SLC10A7: variants seen among roughly 807,000 people sequenced by gnomAD.
SLC10A7 encodes the protein sodium/bile acid cotransporter 7.
Under a neutral mutation model 43.2 loss-of-function variants are expected in SLC10A7, and 29 were observed. That is an observed-to-expected ratio of 0.67 (90% CI 0.50 to 0.92). SLC10A7 has a LOEUF of 0.92. Among genes scored for constraint, SLC10A7 ranks in the 40% least tolerant of loss-of-function variants. The pLI is 0.00. For missense variants in SLC10A7, 295 were observed against 403.2 expected (o/e 0.73, Z 2.30); for synonymous variants, 152 against 144.8 (o/e 1.05, Z -0.35).
At chr4:146,467,556 T>C (rs1338822361) in intron 4 of SLC10A7, among the ~76,000 whole-genome samples, 3 of 110,740 alleles carry the variant, frequency 2.7e-5, no homozygotes, top group African/African-American at 3.6e-5. Context: ...TCTTTTTTCT[T>C]TCTCTCTTTT....
intron 10 of SLC10A7, among the ~76,000 whole-genome samples, chr4:146,271,912 C>T (rs1227947179): frequency 6.6e-6 from 1 of 152,100 alleles, no homozygotes; most frequent in Non-Finnish European, 1.5e-5. Context: ...CCCAATGTGC[C>T]CTTTAAGGCT....
chr4:146,287,833 C>T (rs1730134239), intron 9 of SLC10A7, among the ~76,000 whole-genome samples: 1 of 152,190 alleles, frequency 6.6e-6, no homozygotes, highest in Admixed American at 6.5e-5. Flanking sequence ...TTCCTAGAGT[C>T]TTGCACTACA....
At chr4:146,266,114 A>T (rs781004487) in intron 10 of SLC10A7, among the ~76,000 whole-genome samples, 13 of 152,174 alleles carry the variant, frequency 8.5e-5, no homozygotes, top group Non-Finnish European at 1.3e-4. Context: ...GCAAATCTGG[A>T]ATCCAGTTGC....
At chr4:146,499,778 G>A (rs1736229414) in intron 4 of SLC10A7, among the ~76,000 whole-genome samples, 1 of 152,046 alleles carries the variant, frequency 6.6e-6, no homozygotes, top group Non-Finnish European at 1.5e-5. Flanking sequence ...AACACTTTTA[G>A]AAAACAAAGG....
At chr4:146,495,930 A>G (rs1035204765) in intron 4 of SLC10A7, among the ~76,000 whole-genome samples, 1 of 152,164 alleles carries the variant, frequency 6.6e-6, no homozygotes, top group Non-Finnish European at 1.5e-5. Flanking sequence ...TGCTAAGTAA[A>G]ATAAAATAAA....
At chr4:146,310,596 A>G (rs1451595424) in intron 6 of SLC10A7, among the ~76,000 whole-genome samples, 2 of 151,636 alleles carry the variant, frequency 1.3e-5, no homozygotes, top group Admixed American at 1.3e-4. Context: ...TTTTTTTCCT[A>G]TATTTGTTGG....
intron 4 of SLC10A7, among the ~76,000 whole-genome samples, chr4:146,493,934 G>A (rs1211977164): frequency 6.6e-6 from 1 of 152,168 alleles, no homozygotes; most frequent in Non-Finnish European, 1.5e-5. Context: ...TATACAGCAA[G>A]CTATTGCAAG....
rs542985383 is a variant in SLC10A7, at chr4:146,465,949, T to C, written c.397-23128A>G. ...CAAATTGTGAACATAGTTTGAGATT[T>C]TTCTAAGATGTTCTTTAACCTGCTT... On this transcript the variant is annotated intron_variant, in intron 4 of 11. Coordinates refer to ENST00000335472, the MANE Select transcript of SLC10A7 (RefSeq NM_001029998.6). Among the ~76,000 whole-genome samples the C allele has an allele frequency of 1.6e-4, 24 of 152,326 alleles. No homozygotes were observed. In the South Asian group the frequency reaches 5.0e-3, roughly 32 times the overall value.
At chr4:146,401,091 T>C (rs1470894785) in intron 5 of SLC10A7, among the ~76,000 whole-genome samples, 1 of 152,148 alleles carries the variant, frequency 6.6e-6, no homozygotes, top group Non-Finnish European at 1.5e-5. Flanking sequence ...GCTAGCTGAG[T>C]AAGGAATCAG....
chr4:146,303,203 T>C (rs1358974357), intron 7 of SLC10A7, among the ~76,000 whole-genome samples: 1 of 152,112 alleles, frequency 6.6e-6, no homozygotes, highest in East Asian at 1.9e-4. Flanking sequence ...TACTGAGACC[T>C]TTGCTGGGAC....
At chr4:146,417,483 A>C (rs755975675) in intron 5 of SLC10A7, among the ~76,000 whole-genome samples, 1 of 152,192 alleles carries the variant, frequency 6.6e-6, no homozygotes, top group African/African-American at 2.4e-5. Flanking sequence ...CAGGGTGAAC[A>C]CAAGTTTTGT....
At chr4:146,517,175 C>T in intron 1 of SLC10A7, 55 bp from the exon 2 acceptor site, 5 of 1,416,474 alleles carry the variant, frequency 3.5e-6, no homozygotes, top group Non-Finnish European at 3.9e-6. Flanking sequence ...GATAACTTGG[C>T]ACAAAAGAAG....
intron 5 of SLC10A7, among the ~76,000 whole-genome samples, chr4:146,328,497 C>G (rs963008676): frequency 1.2e-4 from 18 of 152,166 alleles, no homozygotes; most frequent in Non-Finnish European, 2.9e-5. Context: ...GAAGCTGTTC[C>G]TCTTCTACCA....
intron 5 of SLC10A7, among the ~76,000 whole-genome samples, chr4:146,388,439 T>G (rs894395688): frequency 6.6e-6 from 1 of 152,046 alleles, no homozygotes; most frequent in African/African-American, 2.4e-5. Context: ...GATTAAAGAC[T>G]TAAATGTAAA....
At chr4:146,498,207 C>G (rs1480580875) in intron 4 of SLC10A7, among the ~76,000 whole-genome samples, 4 of 151,970 alleles carry the variant, frequency 2.6e-5, no homozygotes, top group Admixed American at 2.0e-4. Context: ...AACCTCCGCG[C>G]CCCGGGTTCA....
chr4:146,468,434 CATTT>C (rs529887083), intron 4 of SLC10A7, among the ~76,000 whole-genome samples: 1 of 150,834 alleles, frequency 6.6e-6, no homozygotes, highest in African/African-American at 2.4e-5. Context: ...TGGAGCAATG[CATTT>C]ATTTATTTAT....
intron 4 of SLC10A7, among the ~76,000 whole-genome samples, chr4:146,443,274 A>C (rs936766472): frequency 2.0e-5 from 3 of 152,190 alleles, no homozygotes; most frequent in African/African-American, 7.2e-5. Context: ...ACAAGGTAAG[A>C]TCTGTTTCTA....
At chr4:146,518,448 A>G (rs181969243) in intron 1 of SLC10A7, among the ~76,000 whole-genome samples, 7 of 152,294 alleles carry the variant, frequency 4.6e-5, no homozygotes, top group African/African-American at 1.7e-4. Flanking sequence ...CAAAATGTCA[A>G]TGTGCCAAGG....
intron 4 of SLC10A7, among the ~76,000 whole-genome samples, chr4:146,463,233 A>T (rs552461496): frequency 1.4e-4 from 21 of 152,198 alleles, no homozygotes; most frequent in Non-Finnish European, 2.8e-4. Context: ...TGGACTCCTC[A>T]TCTTTATAAT....
Sources: gnomAD v4.1 joint callset for allele counts (sites outside exome capture counted in the v4.1 genomes callset) on GRCh38, gnomAD v4.1.1 for gene constraint, MANE v1.5 for transcripts, NCBI Gene and HGNC (gene_info 2026-07-23, HGNC 2026-07-21) for gene names.